The following FRMD6 variants were observed in gnomAD, a reference collection of about 807,000 sequenced individuals.
FRMD6 encodes FERM domain containing 6, also known as FERM domain-containing protein 6.
Under a neutral mutation model 73.2 loss-of-function variants are expected in FRMD6, and 37 were observed. The ratio of observed to expected loss-of-function variants is 0.51; its 90% CI spans 0.39 to 0.66. The LOEUF is 0.66. Ranked by LOEUF, FRMD6 falls within the 30% of genes least tolerant of loss-of-function variation. The pLI, the probability that FRMD6 is intolerant of heterozygous loss-of-function variation, is 0.00. For missense variants in FRMD6, 714 were observed against 780.5 expected, an observed-to-expected ratio of 0.91 and a Z score of 1.02; for synonymous variants, 273 against 282.2, an observed-to-expected ratio of 0.97 and a Z score of 0.33.
chr14:51,569,555 G>A (rs191441938), intron 1 of FRMD6, among the ~76,000 whole-genome samples: 1 of 142,936 alleles, frequency 7.0e-6, no homozygotes, highest in East Asian at 2.0e-4. Context: ...CCAGGCTGGC[G>A]TGCAGTGGTG....
intron 1 of FRMD6, among the ~76,000 whole-genome samples, chr14:51,548,044 T>C (rs933598755): frequency 6.6e-6 from 1 of 152,138 alleles, no homozygotes; most frequent in Non-Finnish European, 1.5e-5. Flanking sequence ...AGAAATACAA[T>C]GTGTGCCCGC....
the FRMD6 span, among the ~76,000 whole-genome samples, chr14:51,466,285 TC>T: frequency 2.6e-5 from 4 of 152,238 alleles, no homozygotes; most frequent in Admixed American, 2.6e-4. Context: ...TCCATTTGTT[TC>T]TTTTGTAATT....
intron 12 of FRMD6, 35 bp from the exon 13 acceptor site, chr14:51,725,744 G>GTA (rs775167587): frequency 3.0e-5 from 41 of 1,388,578 alleles, no homozygotes; most frequent in Non-Finnish European, 3.9e-5. Context: ...ATAATTTGAA[G>GTA]TATTTATTGT....
intron 2 of FRMD6, among the ~76,000 whole-genome samples, chr14:51,582,878 C>T (rs778747589): frequency 1.3e-5 from 2 of 152,136 alleles, no homozygotes; most frequent in Non-Finnish European, 2.9e-5. Flanking sequence ...GCAAAATAAA[C>T]ACATTTCATC....
At chr14:51,448,342 A>G in the FRMD6 span, among the ~76,000 whole-genome samples, 1 of 152,194 alleles carries the variant, frequency 6.6e-6, no homozygotes, top group Non-Finnish European at 1.5e-5. Context: ...ATTTATTTGC[A>G]TTCATGTTCC....
intron 13 of FRMD6, among the ~76,000 whole-genome samples, chr14:51,727,268 A>G (rs763317542): frequency 6.6e-5 from 10 of 152,032 alleles, no homozygotes; most frequent in Non-Finnish European, 1.5e-4. Flanking sequence ...TAAAATAATA[A>G]CAGACCTTGG....
chr14:51,495,711 G>A (rs771474170), intron 1 of FRMD6, among the ~76,000 whole-genome samples: 6 of 152,204 alleles, frequency 3.9e-5, no homozygotes, highest in Non-Finnish European at 5.9e-5. Flanking sequence ...CCTCCAGTGA[G>A]GGTAAGAAGA....
chr14:51,712,786 CTCTTATAGCAAAAGA>C (rs1897017202), intron 9 of FRMD6, among the ~76,000 whole-genome samples: 2 of 152,292 alleles, frequency 1.3e-5, no homozygotes, highest in South Asian at 4.1e-4. Flanking sequence ...ACAGTAAAGA[CTCTTATAGCAAAAGA>C]AGTTAGTAAT....
intron 1 of FRMD6, among the ~76,000 whole-genome samples, chr14:51,550,952 G>A (rs941947262): frequency 5.3e-5 from 8 of 152,104 alleles, no homozygotes; most frequent in African/African-American, 1.7e-4. Context: ...CACCCACACT[G>A]TTTGGCACTC....
At chr14:51,497,862 T>C (rs1230170655) in intron 1 of FRMD6, among the ~76,000 whole-genome samples, 1 of 152,214 alleles carries the variant, frequency 6.6e-6, no homozygotes, top group Non-Finnish European at 1.5e-5. Context: ...ATGAGGCTTC[T>C]ACGAATCTTA....
chr14:51,633,287 T>A (rs1381442731), intron 2 of FRMD6, among the ~76,000 whole-genome samples: 1 of 151,962 alleles, frequency 6.6e-6, no homozygotes, highest in Non-Finnish European at 1.5e-5. Flanking sequence ...TTTTTTTTTT[T>A]ATTTTTTAAA....
the FRMD6 span, among the ~76,000 whole-genome samples, chr14:51,467,270 G>C: frequency 2.0e-5 from 3 of 152,216 alleles, no homozygotes; most frequent in Non-Finnish European, 2.9e-5. Context: ...GTTTCAGAGA[G>C]CACGGGGTTG....
At chr14:51,570,423 A>G (rs1202007492) in intron 2 of FRMD6, 1 of 152,234 alleles carries the variant, frequency 6.6e-6, no homozygotes, top group African/African-American at 2.4e-5. Context: ...AAGAAGTGCT[A>G]AAGTGAACCT....
chr14:51,397,403 A>G, the FRMD6 span, among the ~76,000 whole-genome samples: 3 of 152,206 alleles, frequency 2.0e-5, no homozygotes, highest in South Asian at 6.2e-4. Flanking sequence ...CTTCCCTTTG[A>G]CACCACACTA....
Position 51,702,559 on chromosome 14 carries a change from G to A in FRMD6, c.342G>A (p.Gln114=). Residue 114 remains glutamine (Q), a synonymous_variant, in exon 5 of 14, where the codon CAG becomes CAA. Coordinates refer to ENST00000344768, the MANE Select transcript of FRMD6 (RefSeq NM_001267046.2). ...GPPMIIHFRV[Q]YYVENGRLIS... ...CTATGATCATCCACTTCCGTGTGCA[G>A]TACTATGTGGAAAATGGCAGATTGA... The A allele has an allele frequency of 6.2e-7, 1 of 1,611,894 alleles. No homozygotes were observed. The highest frequency in any genetic ancestry group is 1.1e-5 in the South Asian group (1 of 90,988).
the FRMD6 span, among the ~76,000 whole-genome samples, chr14:51,474,072 TAA>T: frequency 2.0e-5 from 3 of 152,232 alleles, no homozygotes; most frequent in African/African-American, 7.2e-5. Context: ...TCACTTGCCC[TAA>T]GTTTATAGAT....
intron 2 of FRMD6, among the ~76,000 whole-genome samples, chr14:51,644,736 C>T (rs1020624487): frequency 6.6e-6 from 1 of 152,184 alleles, no homozygotes; most frequent in Admixed American, 6.5e-5. Context: ...CCAATATGGA[C>T]TATTTGCAGA....
chr14:51,447,210 C>T, the FRMD6 span, among the ~76,000 whole-genome samples: 1 of 152,082 alleles, frequency 6.6e-6, no homozygotes, highest in Non-Finnish European at 1.5e-5. Flanking sequence ...CAAGGCCACT[C>T]TGGGGTGCGG....
chr14:51,703,296 C>T (rs1896436954), intron 5 of FRMD6, among the ~76,000 whole-genome samples: 2 of 151,716 alleles, frequency 1.3e-5, no homozygotes, highest in Non-Finnish European at 2.9e-5. Flanking sequence ...ATTTCTTGGC[C>T]GATAGAAAAT....
Sources: allele counts gnomAD v4.1 joint callset (sites outside exome capture counted in the v4.1 genomes callset), GRCh38; gene constraint gnomAD v4.1.1; transcripts MANE v1.5; gene names NCBI Gene and HGNC (gene_info 2026-07-23, HGNC 2026-07-21).